CUBN: variants seen among roughly 807,000 people sequenced by gnomAD.
CUBN encodes the protein cubilin.
Under a neutral mutation model 405.3 loss-of-function variants are expected in CUBN, and 282 were observed. The observed-to-expected ratio is 0.70, with a 90% confidence interval of 0.63 to 0.77. The LOEUF (loss-of-function observed/expected upper bound fraction) is 0.77. Ranked by LOEUF, CUBN falls within the 30% of genes least tolerant of loss-of-function variation. The pLI is 0.00. For missense variants in CUBN, 4,514 were observed against 4,475.2 expected (o/e 1.01, Z -0.25); for synonymous variants, 1,684 against 1,617.0 (o/e 1.04, Z -0.99).
At chr10:16,933,316 G>A in intron 39 of CUBN, 32 bp from the exon 40 acceptor site, 1 of 1,598,306 alleles carries the variant, frequency 6.3e-7, no homozygotes, top group South Asian at 1.1e-5. Context: ...CTTTGACACA[G>A]CCCTAATGGA....
chr10:16,960,683 G>T (rs2932912), intron 31 of CUBN, among the ~76,000 whole-genome samples: 46,883 of 152,144 alleles, frequency 0.31, 7,795 homozygotes, highest in Middle Eastern at 0.43. Flanking sequence ...GGAAAACCCT[G>T]AGTTAAGAAA....
intron 22 of CUBN, among the ~76,000 whole-genome samples, chr10:17,055,049 C>T (rs1329611653): frequency 6.6e-6 from 1 of 152,020 alleles, no homozygotes; most frequent in Admixed American, 6.6e-5. Flanking sequence ...TTTAGCATAA[C>T]AATTCTGAAT....
intron 5 of CUBN, 41 bp from the exon 6 acceptor site, chr10:17,122,939 C>T (rs778091550): frequency 7.3e-7 from 1 of 1,377,746 alleles, no homozygotes; most frequent in East Asian, 2.3e-5. Flanking sequence ...CCAAAGGTCA[C>T]AGAGGTATCT....
intron 28 of CUBN, among the ~76,000 whole-genome samples, chr10:16,991,199 C>T (rs1833577223): frequency 6.6e-6 from 1 of 152,222 alleles, no homozygotes; most frequent in African/African-American, 2.4e-5. Flanking sequence ...ATGCTGTAGC[C>T]TGCGGCACAC....
rs536559435 is a variant in CUBN at position 16,917,559 on chromosome 10, T to C, written c.7000+1063A>G. Among the ~76,000 whole-genome samples the C allele has an allele frequency of 2.0e-5, 3 of 152,314 alleles. No homozygotes were observed. The South Asian group carries it at 6.2e-4, about 32-fold the overall frequency. On this transcript the variant is annotated intron_variant, in intron 45 of 66. Transcript: ENST00000377833. The stretch of plus-strand genomic sequence containing the variant: ...TTTGGGCCTCTGTTTACCAAGGGCA[T>C]TGAAACCATGGAACATGAAACCATG...
chr10:16,837,774 C>T (rs1839217291), intron 62 of CUBN, among the ~76,000 whole-genome samples: 1 of 152,084 alleles, frequency 6.6e-6, no homozygotes, highest in Non-Finnish European at 1.5e-5. Context: ...TTTGTCTTTC[C>T]TCCCTACCTA....
At chr10:17,077,001 A>G (rs1040578173) in intron 17 of CUBN, among the ~76,000 whole-genome samples, 1 of 152,182 alleles carries the variant, frequency 6.6e-6, no homozygotes, top group Admixed American at 6.5e-5. Context: ...CCAATATCTG[A>G]GTCTGGTTTG....
At chr10:17,074,125 T>A (rs959574713) in intron 17 of CUBN, among the ~76,000 whole-genome samples, 16 of 152,220 alleles carry the variant, frequency 1.1e-4, no homozygotes, top group African/African-American at 3.9e-4. Context: ...AAGGCATGAA[T>A]AAATGCCAGG....
chr10:16,893,393 C>T (rs1343952811), intron 54 of CUBN, among the ~76,000 whole-genome samples: 3 of 55,062 alleles, frequency 5.4e-5, no homozygotes, highest in Non-Finnish European at 8.4e-5. Flanking sequence ...TTTACTTGAA[C>T]TCGTGTGTGT....
chr10:17,129,326 CT>C, intron 1 of CUBN, 76 bp from the exon 2 acceptor site: 2 of 1,514,874 alleles, frequency 1.3e-6, no homozygotes, highest in Non-Finnish European at 1.8e-6. Context: ...AAGTTTCTTA[CT>C]GAATAACTAC....
intron 31 of CUBN, among the ~76,000 whole-genome samples, chr10:16,961,748 G>A (rs922609586): frequency 7.9e-6 from 1 of 125,882 alleles, no homozygotes; most frequent in East Asian, 2.4e-4. Flanking sequence ...GTCTCGCTCT[G>A]TGGCCCAGGC....
rs1833547792 is a variant in CUBN, at chr10:16,990,406, C to T, written c.4278G>A (p.Gly1426=). The T allele has an allele frequency of 6.2e-7, 1 of 1,614,144 alleles. No homozygotes were observed. ...CATGGATGGTGAGCTGAATGCTACT[C>T]CCGGGGTCCGTCCTAATGTACCAGA... ...ECIWYIRTDP[G]SSIQLTIHDF... Residue 1426 remains glycine, a synonymous_variant, in exon 29 of 67, where the codon GGG becomes GGA. Transcript: ENST00000377833.
chr10:17,063,437 G>T (rs929903227), intron 22 of CUBN, among the ~76,000 whole-genome samples: 2 of 152,162 alleles, frequency 1.3e-5, no homozygotes, highest in African/African-American at 4.8e-5. Flanking sequence ...GCCAGCTGGA[G>T]AATCTTTTGA....
Position 16,824,749 on chromosome 10 carries a change from A to T in CUBN, c.*226T>A, listed in dbSNP as rs1838723127. On this transcript the variant is annotated 3_prime_UTR_variant, in exon 67 of 67. Coordinates refer to ENST00000377833, the MANE Select transcript of CUBN (RefSeq NM_001081.4). ...TGGCCAGGCTAGTCTCAAACTCCTG[A>T]CCTCAGGTGATCAACCTGCCTCGGC... 6.2e-6 allele frequency: 3 copies of T among 483,162 alleles called. No homozygotes were observed. The Admixed American group carries it at 7.8e-5, about 13-fold the overall frequency. 29.9% of individuals were successfully genotyped at this position (483,162 alleles called of 1,614,324 possible).
intron 59 of CUBN, among the ~76,000 whole-genome samples, chr10:16,869,176 T>TTTTTA (rs2131366592): frequency 6.6e-6 from 1 of 150,438 alleles, no homozygotes; most frequent in Non-Finnish European, 1.5e-5. Flanking sequence ...TTTTTTTTTT[T>TTTTTA]TTTTTTTGAG....
chr10:17,097,160 AT>A (rs1348280986), intron 14 of CUBN, among the ~76,000 whole-genome samples: 3 of 152,246 alleles, frequency 2.0e-5, no homozygotes, highest in East Asian at 3.9e-4. Flanking sequence ...AATAGTTGGA[AT>A]TTTGAAAACA....
intron 21 of CUBN, 110 bp downstream of exon 21, chr10:17,067,954 A>G: frequency 3.7e-6 from 3 of 815,440 alleles, no homozygotes; most frequent in Non-Finnish European, 6.2e-6. Flanking sequence ...AAGAAGCATG[A>G]GGATCTCACC....
At chr10:16,941,105 T>C (rs550877199) in intron 36 of CUBN, among the ~76,000 whole-genome samples, 1 of 152,278 alleles carries the variant, frequency 6.6e-6, no homozygotes, top group South Asian at 2.1e-4. Flanking sequence ...AACTTGGCCT[T>C]ACTGCTTAAA....
At chr10:17,088,681 T>C (rs556325193) in intron 14 of CUBN, among the ~76,000 whole-genome samples, 1 of 152,234 alleles carries the variant, frequency 6.6e-6, no homozygotes, top group African/African-American at 2.4e-5. Context: ...AATTTCTGTA[T>C]GTGAAATTGT....
Sources: gnomAD v4.1 joint callset for allele counts (sites outside exome capture counted in the v4.1 genomes callset) on GRCh38, gnomAD v4.1.1 for gene constraint, MANE v1.5 for transcripts, NCBI Gene and HGNC (gene_info 2026-07-23, HGNC 2026-07-21) for gene names.